The following ARHGEF3 variants were observed in gnomAD, a reference collection of about 807,000 sequenced individuals.
ARHGEF3 encodes the protein 59.8 kDA protein.
In ARHGEF3, 28 loss-of-function variants were observed where a neutral mutation model predicts 63.2. The ratio of observed to expected loss-of-function variants is 0.44; its 90% CI spans 0.33 to 0.61. ARHGEF3 has a LOEUF of 0.61. Ranked by LOEUF, ARHGEF3 falls within the 20% of genes least tolerant of loss-of-function variation. The pLI is 0.03. For synonymous variants in ARHGEF3, 266 were observed against 254.2 expected, an observed-to-expected ratio of 1.05 and a Z score of -0.44; for missense variants, 533 against 659.3, an observed-to-expected ratio of 0.81 and a Z score of 2.10.
intron 2 of ARHGEF3, among the ~76,000 whole-genome samples, chr3:57,006,128 T>C (rs1222569849): frequency 6.6e-6 from 1 of 152,222 alleles, no homozygotes; most frequent in African/African-American, 2.4e-5. Context: ...GAATATTGGA[T>C]AACCAGGAAC....
At chr3:56,900,800 A>C (rs35268623) in intron 3 of ARHGEF3, among the ~76,000 whole-genome samples, 24,563 of 152,240 alleles carry the variant, frequency 0.16, 2,816 homozygotes, top group East Asian at 0.52. Context: ...ATACATAAGT[A>C]ATAAAATAGA....
intron 2 of ARHGEF3, among the ~76,000 whole-genome samples, chr3:56,969,708 G>A (rs1042018576): frequency 5.8e-4 from 84 of 144,078 alleles, no homozygotes; most frequent in Non-Finnish European, 8.1e-4. Context: ...GACCGAGATC[G>A]CACCACTGCA....
chr3:57,074,106 G>C, intron 1 of ARHGEF3: 10 of 1,613,982 alleles, frequency 6.2e-6, no homozygotes, highest in Non-Finnish European at 8.5e-6. Flanking sequence ...TGGGGATAAT[G>C]AGAGGACCAC....
intron 3 of ARHGEF3, among the ~76,000 whole-genome samples, chr3:56,908,221 C>T (rs955356141): frequency 5.9e-5 from 9 of 152,292 alleles, no homozygotes; most frequent in African/African-American, 2.2e-4. Flanking sequence ...GGACTGATTT[C>T]CTGATGGCTG....
intron 2 of ARHGEF3, 92 bp from the exon 3 acceptor site, chr3:56,755,243 A>T: frequency 7.3e-7 from 1 of 1,377,358 alleles, no homozygotes; most frequent in Non-Finnish European, 1.0e-6. Flanking sequence ...AACATAAATC[A>T]TATATGTGAA....
chr3:57,007,095 A>T, intron 2 of ARHGEF3: 1 of 1,131,214 alleles, frequency 8.8e-7, no homozygotes, highest in Non-Finnish European at 1.1e-6. Flanking sequence ...TCAGCATGTG[A>T]AACCCAGCAA....
chr3:57,007,221 G>T, intron 2 of ARHGEF3: 1 of 1,289,472 alleles, frequency 7.8e-7, no homozygotes, highest in Non-Finnish European at 1.0e-6. Flanking sequence ...GGAGTCGAAG[G>T]TGGGGGGGTC....
chr3:56,993,267 T>C (rs1701835424), intron 2 of ARHGEF3, among the ~76,000 whole-genome samples: 1 of 152,190 alleles, frequency 6.6e-6, no homozygotes, highest in Non-Finnish European at 1.5e-5. Flanking sequence ...TGAACAGAGG[T>C]TTTTGCTCTC....
At chr3:56,896,163 G>A (rs2041296082) in intron 3 of ARHGEF3, among the ~76,000 whole-genome samples, 1 of 152,118 alleles carries the variant, frequency 6.6e-6, no homozygotes, top group Non-Finnish European at 1.5e-5. Context: ...TTTTTGGCAA[G>A]TTTATTTTAA....
At chr3:56,785,246 G>T (rs181135493) in intron 1 of ARHGEF3, among the ~76,000 whole-genome samples, 1 of 152,100 alleles carries the variant, frequency 6.6e-6, no homozygotes, top group African/African-American at 2.4e-5. Context: ...CATCTGTTTA[G>T]TCAAGCTCTG....
At chr3:57,028,256 A>G (rs7627547) in intron 2 of ARHGEF3, among the ~76,000 whole-genome samples, 61,080 of 97,804 alleles carry the variant, frequency 0.62, 19,022 homozygotes, top group South Asian at 0.68. Context: ...TGTTTATTGC[A>G]GCATTATTCA....
intron 1 of ARHGEF3, chr3:56,775,283 C>G (rs751421084): frequency 8.0e-7 from 1 of 1,243,554 alleles, no homozygotes; most frequent in African/African-American, 1.6e-5. Flanking sequence ...CTGAGACACT[C>G]TCATGTCATT....
chr3:57,079,038 C>G, intron 1 of ARHGEF3: 1 of 340,156 alleles, frequency 2.9e-6, no homozygotes, highest in Non-Finnish European at 5.3e-6. Flanking sequence ...CCGCCGGGGA[C>G]GCCGAGACCT....
Position 56,918,571 on chromosome 3 carries a change from T to C in ARHGEF3, c.130-36217A>G, listed in dbSNP as rs971630846. 5.4e-3 allele frequency among the ~76,000 whole-genome samples: 122 copies of C among 22,802 alleles called. 1 individual carries two copies. Among genetic ancestry groups the C allele is most frequent in the Non-Finnish European group, 0.03 (50 of 1,662 alleles). The allele number at this position is 22,802 out of a possible 152,430, so 15.0% of individuals were successfully genotyped here. On this transcript the variant is annotated intron_variant, in intron 3 of 12. Coordinates refer to the ARHGEF3 transcript ENST00000338458. Reference sequence around the variant, plus strand: ...CAGATGCCCTGGCAGGGGAAAGGGATGCAAGCCTGCAAAAAGGAAGCAAAA... The same window carrying C: ...CAGATGCCCTGGCAGGGGAAAGGGACGCAAGCCTGCAAAAAGGAAGCAAAA...
In ARHGEF3 at chr3:57,042,665, TATATATATATATATATA is replaced by T. The variant is rs1704240239; in HGVS notation, c.-27-7506_-27-7490del. On this transcript the variant is annotated intron_variant, in intron 1 of 12. Transcript: ENST00000338458. ...GTATGTACATAAATATATATATATA[TATATATATATATATATA>T]TATATATATATATATATATTTTTTT... Among the ~76,000 whole-genome samples the T allele has an allele frequency of 6.0e-4, 4 of 6,682 alleles. No homozygotes were observed. In the East Asian group the frequency reaches 0.016, roughly 27 times the overall value. 4.4% of individuals were successfully genotyped at this position (6,682 alleles called of 152,430 possible).
At chr3:56,881,746 A>C (rs546322000) in intron 4 of ARHGEF3, among the ~76,000 whole-genome samples, 1 of 152,312 alleles carries the variant, frequency 6.6e-6, no homozygotes, top group South Asian at 2.1e-4. Context: ...CCCCCTCCCA[A>C]ATTTTGTCAG....
At chr3:57,072,267 T>C (rs963799455) in intron 1 of ARHGEF3, among the ~76,000 whole-genome samples, 2 of 152,174 alleles carry the variant, frequency 1.3e-5, no homozygotes, top group Non-Finnish European at 2.9e-5. Flanking sequence ...GCTAGATATA[T>C]ATTCAAGAGA....
chr3:57,031,399 T>C (rs996971404), intron 2 of ARHGEF3, among the ~76,000 whole-genome samples: 1 of 152,168 alleles, frequency 6.6e-6, no homozygotes, highest in African/African-American at 2.4e-5. Flanking sequence ...AAACAAAAAA[T>C]GCCGTCTTTA....
intron 4 of ARHGEF3, among the ~76,000 whole-genome samples, chr3:56,813,656 A>T (rs1385175790): frequency 1.3e-5 from 2 of 152,222 alleles, no homozygotes; most frequent in African/African-American, 4.8e-5. Context: ...GAGCTCAAAA[A>T]CTAAAAGGAT....
Sources: gnomAD v4.1 joint callset for allele counts (sites outside exome capture counted in the v4.1 genomes callset) on GRCh38, gnomAD v4.1.1 for gene constraint, MANE v1.5 for transcripts, NCBI Gene and HGNC (gene_info 2026-07-23, HGNC 2026-07-21) for gene names.